The following OSBP2 variants were observed in gnomAD, a reference collection of about 807,000 sequenced individuals.
OSBP2 encodes the protein oxysterol-binding protein 2.
OSBP2 carries 66 observed loss-of-function variants against 96.0 expected under a neutral mutation model. That is an observed-to-expected ratio of 0.69 (90% confidence interval 0.56 to 0.84). The LOEUF is 0.84. Among genes scored for constraint, OSBP2 ranks in the 40% least tolerant of loss-of-function variants. The pLI is 0.00. For missense variants in OSBP2, 1,038 were observed against 1,222.7 expected, an observed-to-expected ratio of 0.85 and a Z score of 2.25; for synonymous variants, 525 against 520.9, an observed-to-expected ratio of 1.01 and a Z score of -0.11.
chr22:30,876,677 A>T (rs1602400435), intron 3 of OSBP2, among the ~76,000 whole-genome samples: 1 of 152,154 alleles, frequency 6.6e-6, no homozygotes. Flanking sequence ...GGGCTGGGAC[A>T]GGCCCTGCCA....
At chr22:30,727,947 A>G (rs2089678966) in intron 1 of OSBP2, among the ~76,000 whole-genome samples, 2 of 151,476 alleles carry the variant, frequency 1.3e-5, no homozygotes, top group Admixed American at 1.3e-4. Context: ...TCTACTAAAA[A>G]TACAAAAATT....
At chr22:30,741,032 C>G (rs2089930942) in intron 1 of OSBP2, 129 bp from the exon 2 acceptor site, 2 of 741,076 alleles carry the variant, frequency 2.7e-6, no homozygotes, top group Non-Finnish European at 4.5e-6. Flanking sequence ...CATCATCTCC[C>G]AACTTTGACT....
At position 30,822,519 on chromosome 22, in the gene OSBP2, T is replaced by A. The variant is rs556390004; in HGVS notation, c.854-47910T>A. ...GTAACGCGGCGCCGGGACCCACGAG[T>A]GTCCGCCGCCTCCGCCGGGCGGCCC... On this transcript the variant is annotated intron_variant, in intron 2 of 13. Transcript: ENST00000332585. 3 of 1,372,024 alleles carry A rather than the reference T, an allele frequency of 2.2e-6. No homozygotes were observed. In the South Asian group the frequency reaches 5.1e-5, roughly 23 times the overall value. The allele number at this position is 1,372,024 out of a possible 1,614,324, so 85.0% of individuals were successfully genotyped here.
intron 3 of OSBP2, among the ~76,000 whole-genome samples, chr22:30,878,065 C>T (rs2039621141): frequency 2.0e-5 from 3 of 152,170 alleles, no homozygotes; most frequent in Admixed American, 6.5e-5. Context: ...AGCAGGGGCA[C>T]AGGTGCCAGG....
Position 30,695,526 on chromosome 22 carries a change from T to TGGGCAA in OSBP2, c.618_623dup (p.Gly207_Asn208insLysGly). 6.2e-7 allele frequency: 1 copy of TGGGCAA among 1,611,086 alleles called. No individual in the cohort carries two copies. Among genetic ancestry groups the TGGGCAA allele is most frequent in the Non-Finnish European group, 8.5e-7 (1 of 1,179,968 alleles). The stretch of plus-strand genomic sequence containing the variant: ...GGCTACCAGCGCCGCTGGTTCGTGC[T>TGGGCAA]GGGCAATGGTTTGCTCTCTTACTAC... On this transcript the variant is annotated inframe_insertion, in exon 1 of 14. Coordinates refer to ENST00000332585, the MANE Select transcript of OSBP2 (RefSeq NM_030758.4).
At position 30,906,639 on chromosome 22, in the gene OSBP2, C is replaced by T. The variant is rs1305222459; in HGVS notation, c.*300C>T. On this transcript the variant is annotated 3_prime_UTR_variant, in exon 14 of 14. Coordinates refer to ENST00000332585, the MANE Select transcript of OSBP2 (RefSeq NM_030758.4). ...ACAACTCAGGCCGGCTGGCCCGGGC[C>T]ATGGGCTGCGCAAATCACCAGCCCC... The T allele has an allele frequency of 6.9e-6, 2 of 288,078 alleles. No homozygotes were observed. Among genetic ancestry groups the T allele is most frequent in the East Asian group, 1.2e-4 (2 of 16,366 alleles). The allele number at this position is 288,078 out of a possible 1,614,324, so 17.8% of individuals were successfully genotyped here. A position where few individuals can be genotyped will look rare whatever the true frequency, so the allele number is the denominator to read the frequency against.
chr22:30,725,208 C>T (rs1486209192), intron 1 of OSBP2, among the ~76,000 whole-genome samples: 1 of 97,948 alleles, frequency 1.0e-5, no homozygotes, highest in Non-Finnish European at 2.2e-5. Flanking sequence ...AAAAAAAAAA[C>T]AAAAACAAAT....
chr22:30,708,825 G>T (rs1041793723), intron 1 of OSBP2, among the ~76,000 whole-genome samples: 1 of 151,680 alleles, frequency 6.6e-6, no homozygotes, highest in African/African-American at 2.4e-5. Flanking sequence ...CACAGGCCAG[G>T]GGGGTTGGCT....
chr22:30,894,176 T>C (rs1602431982), intron 12 of OSBP2, 175 bp downstream of exon 12: 2 of 609,602 alleles, frequency 3.3e-6, no homozygotes, highest in East Asian at 2.8e-5. Context: ...AGTAAATAAA[T>C]GTGAAACTAT....
chr22:30,719,616 T>G (rs751138531), intron 1 of OSBP2, among the ~76,000 whole-genome samples: 7 of 142,348 alleles, frequency 4.9e-5, no homozygotes, highest in Non-Finnish European at 1.1e-4. Context: ...AAGCCGGGAG[T>G]GGTGGCGCAC....
intron 1 of OSBP2, among the ~76,000 whole-genome samples, chr22:30,729,992 T>C (rs1010543455): frequency 6.6e-6 from 1 of 152,092 alleles, no homozygotes; most frequent in African/African-American, 2.4e-5. Context: ...GGAGTCTCCC[T>C]CTGTCACCCA....
chr22:30,898,893 C>A (rs2040125823), intron 12 of OSBP2, among the ~76,000 whole-genome samples: 1 of 148,876 alleles, frequency 6.7e-6, no homozygotes, highest in East Asian at 2.0e-4. Flanking sequence ...ATAATAAAAG[C>A]AGAAATCAAT....
chr22:30,860,247 CTGAT>C (rs1182042450), intron 2 of OSBP2, among the ~76,000 whole-genome samples: 2 of 152,158 alleles, frequency 1.3e-5, no homozygotes, highest in Non-Finnish European at 2.9e-5. Context: ...GCAGGAGTTT[CTGAT>C]TGTATCTCGG....
chr22:30,865,631 C>CAAAAAA (rs398040482), intron 2 of OSBP2, among the ~76,000 whole-genome samples: 714 of 59,748 alleles, frequency 0.012, 31 homozygotes, highest in Non-Finnish European at 0.018. Context: ...GACTCCATCT[C>CAAAAAA]AAAAAAAAAA....
intron 3 of OSBP2, chr22:30,872,274 A>G (rs763113633): frequency 2.2e-6 from 1 of 456,672 alleles, no homozygotes; most frequent in African/African-American, 2.0e-5. Flanking sequence ...ACTGAATGAC[A>G]TAATAATGCG....
At chr22:30,902,573 A>C in intron 12 of OSBP2, 2 of 925,552 alleles carry the variant, frequency 2.2e-6, no homozygotes, top group Non-Finnish European at 3.5e-6. Flanking sequence ...CAGGCCCCCA[A>C]CTGGGCAGCC....
Position 30,695,347 on chromosome 22 carries a change from G to A in OSBP2, c.438G>A (p.Ala146=). The change falls in exon 1 of 14, where the codon GCG becomes GCA. Residue 146 remains alanine (A), a synonymous_variant. Transcript: ENST00000332585. The part of the protein sequence containing the change: ...FLRPESGSLP[A]LKPLPLLRPG... ...GACCCGAGTCAGGATCGCTGCCAGC[G>A]TTAAAGCCCCTGCCTCTTCTGCGAC... is the stretch of plus-strand genomic sequence containing the variant. The A allele has an allele frequency of 6.2e-7, 1 of 1,613,666 alleles. No individual in the cohort carries two copies.
intron 2 of OSBP2, among the ~76,000 whole-genome samples, chr22:30,794,583 T>C (rs1001258026): frequency 2.0e-5 from 3 of 152,038 alleles, no homozygotes; most frequent in African/African-American, 7.2e-5. Context: ...CTTTTTTTAA[T>C]GAAGGAGATT....
intron 2 of OSBP2, among the ~76,000 whole-genome samples, chr22:30,754,208 C>T (rs924229244): frequency 7.2e-5 from 11 of 152,142 alleles, no homozygotes; most frequent in African/African-American, 2.4e-4. Flanking sequence ...CTGAAACTCC[C>T]TGGATGTGTT....
Sources: allele counts gnomAD v4.1 joint callset (sites outside exome capture counted in the v4.1 genomes callset), GRCh38; gene constraint gnomAD v4.1.1; transcripts MANE v1.5; gene names NCBI Gene and HGNC (gene_info 2026-07-23, HGNC 2026-07-21).